Variants in PIGF observed in about 807,000 individuals in gnomAD.
PIGF encodes GPI ethanolamine phosphate transferase, stabilizing subunit.
PIGF carries 23 observed loss-of-function variants against 26.0 expected under a neutral mutation model. The observed-to-expected ratio is 0.88, with a 90% CI of 0.64 to 1.25. The LOEUF (loss-of-function observed/expected upper bound fraction) is 1.25, where lower values mean the gene tolerates loss of function less well. PIGF is among the 50% of genes most tolerant of loss of function. The pLI, the probability that PIGF is intolerant of heterozygous loss-of-function variation, is 0.00. For synonymous variants in PIGF, 93 were observed against 92.6 expected (o/e 1.00, Z -0.03); for missense variants, 278 against 249.9 (o/e 1.11, Z -0.76).
At chr2:46,582,622 T>C (rs998027956) in intron 5 of PIGF, 1 of 152,646 alleles carries the variant, frequency 6.6e-6, no homozygotes, top group Non-Finnish European at 1.5e-5. Flanking sequence ...TTGCCCAAAT[T>C]ATAATTTTTT....
intron 4 of PIGF, among the ~76,000 whole-genome samples, chr2:46,607,649 G>A (rs983087309): frequency 2.6e-5 from 4 of 151,890 alleles, no homozygotes; most frequent in Non-Finnish European, 4.4e-5. Flanking sequence ...TGATGTTGAC[G>A]GCTGCTGACT....
rs372671653 is a variant in PIGF, at chr2:46,612,642, T to G, written c.321-298A>C. Among the ~76,000 whole-genome samples the G allele has an allele frequency of 5.4e-4, 80 of 147,256 alleles. 4 individuals are homozygous for G. In the South Asian group the frequency reaches 0.016, roughly 30 times the overall value. ...ACAAACAAAATCCATTTCTAGATAG[T>G]TAGCTTTCTGCTCAATAGTCTCTCT... On this transcript the variant is annotated intron_variant, in intron 3 of 5. Coordinates refer to ENST00000281382, the MANE Select transcript of PIGF (RefSeq NM_002643.4).
intron 4 of PIGF, among the ~76,000 whole-genome samples, chr2:46,596,194 C>T (rs1669879388): frequency 7.1e-6 from 1 of 141,818 alleles, no homozygotes; most frequent in African/African-American, 2.7e-5. Context: ...AGCCTGGCGA[C>T]AGAGCGAGAC....
chr2:46,585,779 CTT>C (rs141047970), intron 5 of PIGF, among the ~76,000 whole-genome samples: 1 of 146,588 alleles, frequency 6.8e-6, no homozygotes, highest in Non-Finnish European at 1.5e-5. Flanking sequence ...AAGCAATCAT[CTT>C]TTTTTTTTTT....
At chr2:46,593,311 T>G (rs144729344) in intron 4 of PIGF, among the ~76,000 whole-genome samples, 1,873 of 152,196 alleles carry the variant, frequency 0.012, 29 homozygotes, top group African/African-American at 0.043. Context: ...TTTTGTACTT[T>G]TAGTAGAGAT....
intron 5 of PIGF, among the ~76,000 whole-genome samples, chr2:46,584,646 C>T (rs1336907100): frequency 6.6e-6 from 1 of 152,102 alleles, no homozygotes; most frequent in Admixed American, 6.5e-5. Context: ...GAAGTGCATG[C>T]CATCAGCAAA....
chr2:46,612,703 T>A (rs1670463603), intron 3 of PIGF, among the ~76,000 whole-genome samples: 1 of 152,112 alleles, frequency 6.6e-6, no homozygotes, highest in Non-Finnish European at 1.5e-5. Flanking sequence ...CAATACACTA[T>A]TGAACCACTA....
At chr2:46,584,417 C>T (rs952992128) in intron 5 of PIGF, among the ~76,000 whole-genome samples, 16 of 152,108 alleles carry the variant, frequency 1.1e-4, no homozygotes, top group African/African-American at 3.9e-4. Context: ...TCATGAATCC[C>T]AGCTAGATTC....
At chr2:46,616,919 G>T in intron 1 of PIGF, 51 bp downstream of exon 1, 2 of 409,358 alleles carry the variant, frequency 4.9e-6, no homozygotes, top group South Asian at 2.4e-5. Flanking sequence ...ATTCGCGGGG[G>T]TAGCTTGCAC....
intron 5 of PIGF, among the ~76,000 whole-genome samples, chr2:46,584,396 A>C (rs1435498699): frequency 6.6e-6 from 1 of 152,168 alleles, no homozygotes; most frequent in Non-Finnish European, 1.5e-5. Flanking sequence ...TATAGGGAGA[A>C]TAGTAATCCC....
At chr2:46,602,789 T>C (rs756622685) in intron 4 of PIGF, among the ~76,000 whole-genome samples, 3 of 151,954 alleles carry the variant, frequency 2.0e-5, no homozygotes, top group Non-Finnish European at 4.4e-5. Context: ...GTACTATTCA[T>C]GTATTTTGTA....
intron 5 of PIGF, among the ~76,000 whole-genome samples, chr2:46,587,338 T>A (rs911847389): frequency 6.6e-6 from 1 of 152,104 alleles, no homozygotes; most frequent in Non-Finnish European, 1.5e-5. Flanking sequence ...AATCCTATGA[T>A]TCCTAGTTTC....
At position 46,598,529 on chromosome 2, in the gene PIGF, A is replaced by ATTTTTTTTTTTTTTTTTT. The variant is rs747263045; in HGVS notation, c.438-5964_438-5947dup. Among the ~76,000 whole-genome samples, 161 of 103,500 alleles carry ATTTTTTTTTTTTTTTTTT rather than the reference A, an allele frequency of 1.6e-3. 7 individuals carry two copies. The highest frequency in any genetic ancestry group is 2.1e-3 in the Non-Finnish European group (118 of 55,388). 67.9% of individuals were successfully genotyped at this position (103,500 alleles called of 152,430 possible). On this transcript the variant is annotated intron_variant, in intron 4 of 5. Coordinates refer to ENST00000281382, the MANE Select transcript of PIGF (RefSeq NM_002643.4). Reference sequence around the variant, plus strand: ...ATAAACTTTCTTAAAACATTATGAGATTTTTTTTTTTTTTTTTTTTTTTTA... The same window carrying ATTTTTTTTTTTTTTTTTT: ...ATAAACTTTCTTAAAACATTATGAGATTTTTTTTTTTTTTTTTTTTTTTTTTTTTTTTTTTTTTTTTTA...
At chr2:46,585,682 T>C (rs184370275) in intron 5 of PIGF, among the ~76,000 whole-genome samples, 118 of 152,356 alleles carry the variant, frequency 7.7e-4, no homozygotes, top group Non-Finnish European at 1.1e-3. Flanking sequence ...TACTATGTAA[T>C]AAGTAGAACC....
intron 5 of PIGF, 51 bp downstream of exon 5, chr2:46,592,424 A>T: frequency 2.2e-6 from 2 of 928,156 alleles, no homozygotes; most frequent in Non-Finnish European, 3.6e-6. Flanking sequence ...CATCTGTTTT[A>T]CTATCATTGT....
intron 2 of PIGF, 119 bp downstream of exon 2, chr2:46,614,818 T>A: frequency 1.7e-6 from 1 of 594,184 alleles, no homozygotes; most frequent in Non-Finnish European, 3.0e-6. Flanking sequence ...GGGGGAAAAA[T>A]ATCAGGTTCC....
At chr2:46,597,341 A>G (rs1209577385) in intron 4 of PIGF, among the ~76,000 whole-genome samples, 1 of 151,960 alleles carries the variant, frequency 6.6e-6, no homozygotes, top group Non-Finnish European at 1.5e-5. Context: ...ATGCTTAGAG[A>G]TGTTTTAAGT....
At chr2:46,605,747 C>T (rs1256756186) in intron 4 of PIGF, among the ~76,000 whole-genome samples, 1 of 152,076 alleles carries the variant, frequency 6.6e-6, no homozygotes, top group East Asian at 1.9e-4. Context: ...ATTCCAATCC[C>T]AGCTCTACTA....
At chr2:46,613,583 G>T (rs1446456841) in intron 3 of PIGF, 111 bp downstream of exon 3, 2 of 693,780 alleles carry the variant, frequency 2.9e-6, no homozygotes, top group Non-Finnish European at 2.4e-6. Flanking sequence ...GTCCTTACTT[G>T]ATCTATTAAT....
Sources: allele counts gnomAD v4.1 joint callset (sites outside exome capture counted in the v4.1 genomes callset), GRCh38; gene constraint gnomAD v4.1.1; transcripts MANE v1.5; gene names NCBI Gene and HGNC (gene_info 2026-07-23, HGNC 2026-07-21).